Variants in MYBPC1 observed in about 807,000 individuals in gnomAD.
MYBPC1 encodes the protein myosin binding protein C1, also known as myosin-binding protein C, slow-type.
In MYBPC1, 52 loss-of-function variants were observed where a neutral mutation model predicts 147.1. That is an observed-to-expected ratio of 0.35 (90% CI 0.28 to 0.45). The LOEUF (loss-of-function observed/expected upper bound fraction) is 0.45, where lower values mean the gene tolerates loss of function less well. MYBPC1 is among the 20% of genes least tolerant of loss of function. MYBPC1 has a pLI of 1.00. For synonymous variants in MYBPC1, 477 were observed against 475.9 expected, an observed-to-expected ratio of 1.00 and a Z score of -0.03; for missense variants, 1,228 against 1,440.3, an observed-to-expected ratio of 0.85 and a Z score of 2.39.
chr12:101,670,462 GA>G, intron 24 of MYBPC1, 53 bp downstream of exon 24: 1 of 1,433,456 alleles, frequency 7.0e-7, no homozygotes, highest in South Asian at 1.1e-5. Flanking sequence ...ATTAGTTTAG[GA>G]AGTGGGAAGA....
intron 31 of MYBPC1, among the ~76,000 whole-genome samples, 163 bp downstream of exon 31, chr12:101,684,587 A>G (rs1951238962): frequency 6.6e-6 from 1 of 152,212 alleles, no homozygotes; most frequent in African/African-American, 2.4e-5. Context: ...TCTTGAAATT[A>G]ACAGCTAGTA....
At chr12:101,654,758 G>C (rs938353252) in intron 18 of MYBPC1, among the ~76,000 whole-genome samples, 6 of 152,176 alleles carry the variant, frequency 3.9e-5, no homozygotes, top group Non-Finnish European at 5.9e-5. Context: ...AGTAGTGCCT[G>C]TTCCCCCTAG....
Position 101,632,047 on chromosome 12 carries a change from C to G in MYBPC1, c.465C>G (p.Ile155Met), listed in dbSNP as rs1306345006. ...SRVYTFEMQIIKAKDNFAGNY... is the reference protein window; with the variant it reads ...SRVYTFEMQIMKAKDNFAGNY... ...TGTACACATTTGAGATGCAGATCAT[C>G]AAGGCCAAAGATAACTTTGCAGGAA... The change falls in exon 8 of 32, where the codon ATC (isoleucine) becomes ATG (methionine). Residue 155 changes from isoleucine to methionine, a missense_variant. Coordinates refer to ENST00000361466, the MANE Select transcript of MYBPC1 (RefSeq NM_002465.4). 2.5e-6 allele frequency: 4 copies of G among 1,613,586 alleles called. No individual in the cohort carries two copies. The highest frequency in any genetic ancestry group is 3.4e-6 in the Non-Finnish European group (4 of 1,179,470).
At chr12:101,666,666 A>G in intron 22 of MYBPC1, 1 of 1,316,508 alleles carries the variant, frequency 7.6e-7, no homozygotes, top group Non-Finnish European at 1.1e-6. Context: ...ACTAACAGAG[A>G]ATGCTGACTG....
intron 3 of MYBPC1, among the ~76,000 whole-genome samples, chr12:101,622,900 A>G (rs1457424620): frequency 6.6e-6 from 1 of 152,256 alleles, no homozygotes; most frequent in Non-Finnish European, 1.5e-5. Flanking sequence ...TGGGTGATCT[A>G]GACGAAGACT....
chr12:101,648,369 T>C (rs1379398128), intron 14 of MYBPC1, among the ~76,000 whole-genome samples: 3 of 152,190 alleles, frequency 2.0e-5, no homozygotes, highest in African/African-American at 4.8e-5. Flanking sequence ...GGTAAGCACG[T>C]AGGGAAGTGG....
In MYBPC1 at chr12:101,649,523, G is replaced by A. The variant is rs2272336; in HGVS notation, c.1363+97G>A. 351,973 of 1,392,900 alleles carry A rather than the reference G, an allele frequency of 0.25. 48,142 individuals are homozygous for A. Among genetic ancestry groups the A allele is most frequent in the Middle Eastern group, 0.32 (1,769 of 5,510 alleles). 86.3% of individuals were successfully genotyped at this position (1,392,900 alleles called of 1,614,324 possible). On this transcript the variant is annotated intron_variant, in intron 15 of 31. Transcript: ENST00000361466. ...AAGTTTCTATTTGATTTCTATTTGC[G>A]ATGATTTTTAAGTATGTAAAATGGA...
At chr12:101,668,657 G>A (rs934745870) in intron 23 of MYBPC1, among the ~76,000 whole-genome samples, 31 of 152,040 alleles carry the variant, frequency 2.0e-4, no homozygotes, top group African/African-American at 7.2e-4. Context: ...TAGAGACAGG[G>A]TTTCACCATG....
chr12:101,622,092 C>A (rs1336888772), intron 3 of MYBPC1, among the ~76,000 whole-genome samples: 2 of 152,172 alleles, frequency 1.3e-5, no homozygotes, highest in Non-Finnish European at 2.9e-5. Flanking sequence ...CATATTCCAA[C>A]AAGCTAAAAT....
chr12:101,691,391 A>G, the MYBPC1 span, among the ~76,000 whole-genome samples: 3 of 152,130 alleles, frequency 2.0e-5, no homozygotes, highest in Non-Finnish European at 4.4e-5. Context: ...GTGATTTCTT[A>G]TTGCAACCCA....
At chr12:101,687,062 TG>T (rs1421557379), downstream of MYBPC1, among the ~76,000 whole-genome samples, 26 of 152,054 alleles carry the variant, frequency 1.7e-4, no homozygotes, top group South Asian at 4.1e-4. Context: ...TATAACCCAT[TG>T]TTTTTATATA....
chr12:101,690,261 G>A (rs1395720533), downstream of MYBPC1, among the ~76,000 whole-genome samples: 1 of 152,040 alleles, frequency 6.6e-6, no homozygotes, highest in East Asian at 1.9e-4. Flanking sequence ...CCAGTGATTT[G>A]TGTGCTCATT....
At chr12:101,675,512 C>A (rs1899761648) in intron 26 of MYBPC1, 81 bp downstream of exon 26, 2 of 1,590,302 alleles carry the variant, frequency 1.3e-6, no homozygotes, top group African/African-American at 1.3e-5. Flanking sequence ...AAGGGCCTCA[C>A]TGGTAAGGAG....
chr12:101,693,346 A>C, the MYBPC1 span, among the ~76,000 whole-genome samples: 1 of 152,228 alleles, frequency 6.6e-6, no homozygotes, highest in African/African-American at 2.4e-5. Context: ...TTGCATAAAT[A>C]ATAGTAAAAT....
At chr12:101,627,584 A>G (rs1324126194) in intron 4 of MYBPC1, among the ~76,000 whole-genome samples, 185 bp from the exon 5 acceptor site, 1 of 152,048 alleles carries the variant, frequency 6.6e-6, no homozygotes, top group Non-Finnish European at 1.5e-5. Flanking sequence ...TAAGACACAC[A>G]CTTTTATAGA....
intron 1 of MYBPC1, among the ~76,000 whole-genome samples, chr12:101,595,349 A>G (rs150516405): frequency 2.0e-5 from 3 of 152,312 alleles, no homozygotes; most frequent in African/African-American, 7.2e-5. Context: ...CTATCATTCA[A>G]TTGTAAAGAA....
intron 5 of MYBPC1, 89 bp downstream of exon 5, chr12:101,627,893 C>T (rs1309186536): frequency 7.1e-7 from 1 of 1,410,252 alleles, no homozygotes; most frequent in South Asian, 1.2e-5. Context: ...GATTCTAATC[C>T]TTGTCTTATT....
chr12:101,666,359 G>T (rs911904428), intron 22 of MYBPC1: 16 of 256,742 alleles, frequency 6.2e-5, no homozygotes, highest in East Asian at 4.6e-4. Context: ...CACAAGGATA[G>T]ACTGTCTCAC....
chr12:101,607,704 A>C (rs1882756414), intron 1 of MYBPC1, among the ~76,000 whole-genome samples: 2 of 152,192 alleles, frequency 1.3e-5, no homozygotes, highest in South Asian at 4.1e-4. Flanking sequence ...TAAATGGTAT[A>C]TAAGGGCCCA....
Sources: allele counts gnomAD v4.1 joint callset (sites outside exome capture counted in the v4.1 genomes callset), GRCh38; gene constraint gnomAD v4.1.1; transcripts MANE v1.5; gene names NCBI Gene and HGNC (gene_info 2026-07-23, HGNC 2026-07-21).